The following DNAI2 variants were observed in gnomAD, a reference collection of about 807,000 sequenced individuals.
DNAI2 encodes the protein dynein axonemal intermediate chain 2, also known as dynein, axonemal, intermediate polypeptide 2.
In DNAI2, 63 loss-of-function variants were observed where a neutral mutation model predicts 74.7. The ratio of observed to expected loss-of-function variants is 0.84; its 90% CI spans 0.69 to 1.04. The LOEUF (loss-of-function observed/expected upper bound fraction) is 1.04. Ranked by LOEUF, DNAI2 falls within the 50% of genes least tolerant of loss-of-function variation. DNAI2 has a pLI of 0.00. For missense variants in DNAI2, 688 were observed against 803.2 expected, an observed-to-expected ratio of 0.86 and a Z score of 1.73; for synonymous variants, 289 against 314.9, an observed-to-expected ratio of 0.92 and a Z score of 0.87.
At chr17:74,289,011 A>G (rs1418183147) in intron 4 of DNAI2, among the ~76,000 whole-genome samples, 1 of 152,218 alleles carries the variant, frequency 6.6e-6, no homozygotes, top group African/African-American at 2.4e-5. Context: ...ACCACGACTG[A>G]CTTAGGGGCC....
intron 1 of DNAI2, among the ~76,000 whole-genome samples, chr17:74,276,360 A>T (rs947634055): frequency 6.6e-6 from 1 of 151,346 alleles, no homozygotes; most frequent in Non-Finnish European, 1.5e-5. Context: ...CGCCTCTGGG[A>T]CTCTAGGTTC....
intron 1 of DNAI2, among the ~76,000 whole-genome samples, chr17:74,279,887 C>T (rs2051298229): frequency 6.6e-6 from 1 of 152,196 alleles, no homozygotes; most frequent in African/African-American, 2.4e-5. Flanking sequence ...AGCTCTCCTT[C>T]AGTTTATCTT....
intron 1 of DNAI2, among the ~76,000 whole-genome samples, chr17:74,276,309 C>G (rs915571465): frequency 1.3e-5 from 2 of 152,216 alleles, no homozygotes; most frequent in Non-Finnish European, 2.9e-5. Context: ...GTCCCTGATT[C>G]TGCGTGTTCC....
At chr17:74,308,088 G>A (rs1462635149) in intron 9 of DNAI2, among the ~76,000 whole-genome samples, 1 of 152,070 alleles carries the variant, frequency 6.6e-6, no homozygotes, top group Non-Finnish European at 1.5e-5. Flanking sequence ...ATGAGCCACC[G>A]CGCCCGGCCC....
At chr17:74,307,135 T>C (rs2053234415) in intron 9 of DNAI2, 1 of 425,914 alleles carries the variant, frequency 2.3e-6, no homozygotes, top group Non-Finnish European at 4.7e-6. Context: ...CCAGGCCTCA[T>C]AGCAAGTAGG....
chr17:74,305,398 C>A lies in DNAI2; in HGVS notation c.1167C>A (p.Arg389=), dbSNP rs1463518851. ...TGACGGTTGGCGACTGGACAGCCCGCATTTGGTCTGAAGACAGCCGGGAAT... is the reference window on the plus strand; with the variant it reads ...TGACGGTTGGCGACTGGACAGCCCGAATTTGGTCTGAAGACAGCCGGGAAT... ...NFLTVGDWTA[R]IWSEDSRESS... Residue 389 remains arginine (R), a synonymous_variant, in exon 9 of 14, where the codon CGC becomes CGA. Transcript: ENST00000311014. 1 of 1,614,196 alleles carries A rather than the reference C, an allele frequency of 6.2e-7. No homozygotes were observed.
At chr17:74,295,337 G>T (rs1399284649) in intron 6 of DNAI2, among the ~76,000 whole-genome samples, 3 of 152,020 alleles carry the variant, frequency 2.0e-5, no homozygotes, top group Admixed American at 2.0e-4. Flanking sequence ...AGGAGGCAGA[G>T]GTTGCAGTAA....
chr17:74,279,143 G>A (rs2051256059), intron 1 of DNAI2, among the ~76,000 whole-genome samples: 1 of 152,084 alleles, frequency 6.6e-6, no homozygotes, highest in South Asian at 2.1e-4. Flanking sequence ...CTCCAGCCTG[G>A]GTGACAGAGG....
intron 1 of DNAI2, chr17:74,281,513 C>T: frequency 1.8e-6 from 1 of 567,000 alleles, no homozygotes; most frequent in East Asian, 2.8e-5. Context: ...CTGGCTTGGC[C>T]TCCCAATGTG....
chr17:74,290,506 G>A (rs919865781), intron 5 of DNAI2, among the ~76,000 whole-genome samples: 1 of 152,214 alleles, frequency 6.6e-6, no homozygotes, highest in Non-Finnish European at 1.5e-5. Context: ...CAGGGACAGG[G>A]TGGTGGTGGC....
At chr17:74,279,726 G>A (rs4789645) in intron 1 of DNAI2, among the ~76,000 whole-genome samples, 3 of 152,100 alleles carry the variant, frequency 2.0e-5, no homozygotes, top group East Asian at 1.9e-4. Flanking sequence ...ATGGGTTTTC[G>A]CCATGTTGGC....
intron 2 of DNAI2, 107 bp downstream of exon 2, chr17:74,282,107 T>TA: frequency 7.7e-7 from 1 of 1,304,162 alleles, no homozygotes; most frequent in Non-Finnish European, 1.1e-6. Flanking sequence ...GAAAGCCAGT[T>TA]AGAGTAGACC....
At chr17:74,283,294 G>A (rs2051497697) in intron 2 of DNAI2, among the ~76,000 whole-genome samples, 1 of 152,176 alleles carries the variant, frequency 6.6e-6, no homozygotes, top group African/African-American at 2.4e-5. Context: ...TATGTTACAT[G>A]TATTTTACCA....
chr17:74,298,810 G>A (rs1282733806), intron 6 of DNAI2, among the ~76,000 whole-genome samples: 1 of 152,138 alleles, frequency 6.6e-6, no homozygotes, highest in African/African-American at 2.4e-5. Flanking sequence ...TTTTTGTAGA[G>A]ACGGGGTCTC....
intron 6 of DNAI2, among the ~76,000 whole-genome samples, chr17:74,297,461 G>A (rs1277234423): frequency 6.7e-6 from 1 of 148,728 alleles, no homozygotes; most frequent in East Asian, 2.0e-4. Context: ...TGTGATCTCA[G>A]CTCACTGCCA....
At chr17:74,289,510 C>T (rs1383782781) in intron 4 of DNAI2, 84 bp from the exon 5 acceptor site, 9 of 1,543,540 alleles carry the variant, frequency 5.8e-6, no homozygotes, top group Non-Finnish European at 8.0e-6. Context: ...CAGAGCAAGA[C>T]TCCATCTGAC....
chr17:74,305,312 C>T lies in DNAI2; in HGVS notation c.1081C>T (p.Pro361Ser). 6.2e-7 allele frequency: 1 copy of T among 1,614,230 alleles called. No individual in the cohort carries two copies. The highest frequency in any genetic ancestry group is 2.2e-5 in the East Asian group (1 of 44,878). ...AGCTGAAAAGATTGTGTGCACCTTCCCGGGCCATCATGGCCCCATCTACGC... is the reference window on the plus strand; with the variant it reads ...AGCTGAAAAGATTGTGTGCACCTTCTCGGGCCATCATGGCCCCATCTACGC... ...TSAEKIVCTF[P>S]GHHGPIYALQ... The change falls in exon 9 of 14, where the codon CCG (proline) becomes TCG (serine). Residue 361 changes from proline (P) to serine (S), a missense_variant. By Grantham distance (74) the Pro-to-Ser change is moderately conservative (BLOSUM62 -1). Coordinates refer to ENST00000311014, the MANE Select transcript of DNAI2 (RefSeq NM_023036.6).
At chr17:74,293,722 T>TA (rs1191685979) in intron 6 of DNAI2, among the ~76,000 whole-genome samples, 1 of 151,454 alleles carries the variant, frequency 6.6e-6, no homozygotes, top group African/African-American at 2.4e-5. Context: ...AAAAATAAAA[T>TA]AAAAAAATAA....
At chr17:74,310,295 G>A in intron 11 of DNAI2, 132 bp downstream of exon 11, 1 of 1,325,068 alleles carries the variant, frequency 7.5e-7, no homozygotes, top group African/African-American at 1.5e-5. Flanking sequence ...TTTGGGGGAA[G>A]CAGTGTGGGC....
Sources: allele counts gnomAD v4.1 joint callset (sites outside exome capture counted in the v4.1 genomes callset), GRCh38; gene constraint gnomAD v4.1.1; transcripts MANE v1.5; gene names NCBI Gene and HGNC (gene_info 2026-07-23, HGNC 2026-07-21).